Variants in ADGRL2 observed in about 807,000 individuals in gnomAD.
The protein encoded by ADGRL2 is adhesion G protein-coupled receptor L2, also known as calcium-independent alpha-latrotoxin receptor 2.
ADGRL2 carries 44 observed loss-of-function variants against 157.4 expected under a neutral mutation model. The ratio of observed to expected loss-of-function variants is 0.28; its 90% CI spans 0.22 to 0.36. The LOEUF (loss-of-function observed/expected upper bound fraction) is 0.36. Ranked by LOEUF, ADGRL2 falls within the 10% of genes least tolerant of loss-of-function variation. ADGRL2 has a pLI of 1.00. For missense variants in ADGRL2, 1,510 were observed against 1,768.9 expected, an observed-to-expected ratio of 0.85 and a Z score of 2.63; for synonymous variants, 585 against 624.7, an observed-to-expected ratio of 0.94 and a Z score of 0.95.
chr1:81,732,441 T>C (rs1053171219), intron 1 of ADGRL2, among the ~76,000 whole-genome samples: 1 of 152,222 alleles, frequency 6.6e-6, no homozygotes, highest in African/African-American at 2.4e-5. Context: ...TAATTGCTTA[T>C]GTATATTATT....
rs2083733844 is a variant in ADGRL2, at chr1:81,706,256, GA to G, written c.-143+6452del. Among the ~76,000 whole-genome samples, 7 of 152,080 alleles carry G rather than the reference GA, an allele frequency of 4.6e-5. No individual in the cohort carries two copies. The South Asian group carries it at 1.5e-3, about 32-fold the overall frequency. On this transcript the variant is annotated intron_variant, in intron 1 of 20. Transcript: ENST00000359929. The stretch of plus-strand genomic sequence containing the variant: ...AAAAAAATTTTTTTAAAAAGGGATG[GA>G]AAAGAGGATATAAATGGTCAAGAAA...
chr1:81,376,350 C>T (rs1163782628), intron 1 of ADGRL2, among the ~76,000 whole-genome samples: 1 of 152,134 alleles, frequency 6.6e-6, no homozygotes, highest in African/African-American at 2.4e-5. Flanking sequence ...TGCCTAGTGG[C>T]CTGGTATTTT....
intron 2 of ADGRL2, among the ~76,000 whole-genome samples, chr1:81,466,014 TACTATAA>T (rs1557709902): frequency 6.6e-6 from 1 of 152,156 alleles, no homozygotes. Flanking sequence ...ATATGAAAGG[TACTATAA>T]ATGAGAAAGA....
intron 2 of ADGRL2, among the ~76,000 whole-genome samples, chr1:81,548,250 C>T (rs908412482): frequency 2.0e-5 from 3 of 151,914 alleles, no homozygotes; most frequent in Non-Finnish European, 4.4e-5. Flanking sequence ...CTTTTTAATG[C>T]TAATCACAAT....
intron 2 of ADGRL2, among the ~76,000 whole-genome samples, chr1:81,474,968 A>G (rs1471422680): frequency 6.6e-6 from 1 of 152,152 alleles, no homozygotes; most frequent in Admixed American, 6.5e-5. Flanking sequence ...AACCTTTTCT[A>G]AGAAAACATT....
intron 2 of ADGRL2, among the ~76,000 whole-genome samples, chr1:81,859,705 G>A (rs1479007006): frequency 6.6e-6 from 1 of 151,978 alleles, no homozygotes; most frequent in African/African-American, 2.4e-5. Flanking sequence ...ACCGTGCTTG[G>A]CCCTGAAATA....
At chr1:81,856,251 C>A (rs537605371) in intron 2 of ADGRL2, among the ~76,000 whole-genome samples, 1 of 151,988 alleles carries the variant, frequency 6.6e-6, no homozygotes, top group African/African-American at 2.4e-5. Flanking sequence ...ATTTTTTCCC[C>A]CTTGCAGTTT....
intron 3 of ADGRL2, chr1:81,586,172 A>G (rs2081021823): frequency 6.6e-6 from 1 of 152,078 alleles, no homozygotes; most frequent in Admixed American, 6.6e-5. Context: ...AAATCTATAT[A>G]TTAGCCAGGG....
chr1:81,804,434 G>A (rs936148366), intron 1 of ADGRL2, among the ~76,000 whole-genome samples: 2 of 152,302 alleles, frequency 1.3e-5, no homozygotes, highest in Admixed American at 6.5e-5. Context: ...CATATCAAAG[G>A]TTTCTTAGCT....
chr1:81,652,245 C>T lies in ADGRL2; in HGVS notation c.-143+71265C>T, dbSNP rs560542651. Reference sequence around the variant, plus strand: ...CAAATAAACTACATTTCTGTGGTTTCCCAGCTGAAAATATTTAATTCTATA... The same window carrying T: ...CAAATAAACTACATTTCTGTGGTTTTCCAGCTGAAAATATTTAATTCTATA... On this transcript the variant is annotated intron_variant, in intron 3 of 24. Coordinates refer to the ADGRL2 transcript ENST00000370721. 7.3e-4 allele frequency among the ~76,000 whole-genome samples: 111 copies of T among 152,296 alleles called. 3 individuals carry two copies. The highest frequency in any genetic ancestry group is 4.0e-4 in the Non-Finnish European group (27 of 68,028).
intron 1 of ADGRL2, among the ~76,000 whole-genome samples, chr1:81,354,721 T>C (rs557760338): frequency 2.0e-5 from 3 of 152,282 alleles, no homozygotes; most frequent in African/African-American, 7.2e-5. Flanking sequence ...TTAATTCCCT[T>C]TTTGGATTCT....
In ADGRL2 at chr1:81,747,127, A is replaced by ACG. The variant is rs1290693812; in HGVS notation, c.-142-14684_-142-14683insCG. On this transcript the variant is annotated intron_variant, in intron 1 of 20. Coordinates refer to the ADGRL2 transcript ENST00000359929. The stretch of plus-strand genomic sequence containing the variant: ...CATATATGTGTATATATGTGTATAT[A>ACG]TGTATATATGTATACATATATACGT... 2.6e-4 allele frequency among the ~76,000 whole-genome samples: 37 copies of ACG among 143,874 alleles called. 1 individual carries two copies. The highest frequency in any genetic ancestry group is 7.5e-4 in the African/African-American group (29 of 38,724). 94.4% of individuals were successfully genotyped at this position (143,874 alleles called of 152,430 possible).
intron 2 of ADGRL2, among the ~76,000 whole-genome samples, chr1:81,872,289 T>G (rs1336269375): frequency 6.6e-6 from 1 of 152,196 alleles, no homozygotes; most frequent in Non-Finnish European, 1.5e-5. Context: ...TCCATTGGTC[T>G]ATATCTGTTT....
intron 1 of ADGRL2, among the ~76,000 whole-genome samples, chr1:81,834,899 A>G (rs1397263242): frequency 6.6e-6 from 1 of 152,178 alleles, no homozygotes; most frequent in Non-Finnish European, 1.5e-5. Flanking sequence ...TTTTTAGTAT[A>G]TAAAAATTTT....
intron 4 of ADGRL2, among the ~76,000 whole-genome samples, chr1:81,939,023 T>A (rs2095350345): frequency 6.6e-6 from 1 of 151,590 alleles, no homozygotes; most frequent in African/African-American, 2.4e-5. Context: ...TTATTATGTG[T>A]TTTTTACCAC....
intron 3 of ADGRL2, among the ~76,000 whole-genome samples, chr1:81,663,121 G>A (rs2082690072): frequency 7.0e-6 from 1 of 143,240 alleles, no homozygotes; most frequent in South Asian, 2.2e-4. Flanking sequence ...AGGGACTCTG[G>A]AATTTCCTTA....
intron 2 of ADGRL2, among the ~76,000 whole-genome samples, chr1:81,519,131 C>G (rs912185135): frequency 5.9e-5 from 9 of 152,158 alleles, no homozygotes; most frequent in Admixed American, 5.9e-4. Context: ...AGGCAGAGAC[C>G]TAAACCCAGC....
At chr1:81,522,791 C>T (rs76245673) in intron 2 of ADGRL2, among the ~76,000 whole-genome samples, 2,778 of 152,102 alleles carry the variant, frequency 0.018, 74 homozygotes, top group African/African-American at 0.064. Flanking sequence ...CTAATTTTTG[C>T]GTGCTTGATT....
At chr1:81,310,618 C>T (rs900789603) in intron 1 of ADGRL2, among the ~76,000 whole-genome samples, 1 of 152,194 alleles carries the variant, frequency 6.6e-6, no homozygotes, top group Non-Finnish European at 1.5e-5. Flanking sequence ...TCCACAACCT[C>T]TATCTGCTGG....
Sources: gnomAD v4.1 joint callset for allele counts (sites outside exome capture counted in the v4.1 genomes callset) on GRCh38, gnomAD v4.1.1 for gene constraint, MANE v1.5 for transcripts, NCBI Gene and HGNC (gene_info 2026-07-23, HGNC 2026-07-21) for gene names.